The following HECTD2 variants were observed in gnomAD, a reference collection of about 807,000 sequenced individuals.
The protein encoded by HECTD2 is HECT domain E3 ubiquitin protein ligase 2.
A neutral mutation model predicts 103.2 loss-of-function variants in HECTD2; 35 were observed. The observed-to-expected ratio is 0.34, with a 90% CI of 0.26 to 0.45. The LOEUF (loss-of-function observed/expected upper bound fraction) is 0.45, where lower values mean the gene tolerates loss of function less well. Ranked by LOEUF, HECTD2 falls within the 20% of genes least tolerant of loss-of-function variation. The pLI is 1.00. For missense variants in HECTD2, 596 were observed against 937.4 expected (o/e 0.64, Z 4.76); for synonymous variants, 281 against 329.9 (o/e 0.85, Z 1.61).
Position 91,510,390 on chromosome 10 carries a change from C to T in HECTD2, c.2211-1874C>T, listed in dbSNP as rs1434193693. ...CTTAAAAGATATACATAATTTGGTCCTGCACCTCATCAAATACATGTTATT... is the reference window on the plus strand; with the variant it reads ...CTTAAAAGATATACATAATTTGGTCTTGCACCTCATCAAATACATGTTATT... On this transcript the variant is annotated intron_variant, in intron 20 of 20. Transcript: ENST00000298068. 2.0e-5 allele frequency among the ~76,000 whole-genome samples: 3 copies of T among 152,160 alleles called. No homozygotes were observed. In the East Asian group the frequency reaches 5.8e-4, roughly 29 times the overall value.
At chr10:91,496,656 A>C (rs1007589049) in intron 15 of HECTD2, among the ~76,000 whole-genome samples, 2 of 152,106 alleles carry the variant, frequency 1.3e-5, no homozygotes, top group African/African-American at 4.8e-5. Context: ...CCTTCAATTT[A>C]GTTTCTTTAT....
chr10:91,507,821 C>T (rs1847252769), intron 20 of HECTD2, among the ~76,000 whole-genome samples: 1 of 120,954 alleles, frequency 8.3e-6, no homozygotes, highest in South Asian at 2.7e-4. Flanking sequence ...CAAGTCAATC[C>T]TAAGCCAAAA....
intron 20 of HECTD2, among the ~76,000 whole-genome samples, chr10:91,506,974 G>A (rs1466274867): frequency 2.8e-4 from 43 of 151,362 alleles, no homozygotes; most frequent in South Asian, 8.3e-4. Context: ...TTCAATATAC[G>A]CAAATCAATA....
chr10:91,500,365 G>A (rs1245528298), intron 18 of HECTD2, 137 bp from the exon 19 acceptor site: 3 of 515,396 alleles, frequency 5.8e-6, no homozygotes, highest in South Asian at 3.5e-5. Flanking sequence ...ACCCAGAGTC[G>A]ATTTTTCTTC....
At chr10:91,451,137 A>G (rs928766331) in intron 2 of HECTD2, among the ~76,000 whole-genome samples, 1 of 152,226 alleles carries the variant, frequency 6.6e-6, no homozygotes, top group Non-Finnish European at 1.5e-5. Flanking sequence ...CCCGTCAATG[A>G]TAGACTGGAT....
At chr10:91,483,317 C>G (rs1309957102) in intron 8 of HECTD2, among the ~76,000 whole-genome samples, 1 of 151,950 alleles carries the variant, frequency 6.6e-6, no homozygotes, top group Non-Finnish European at 1.5e-5. Flanking sequence ...TTTCTGTCTA[C>G]TGCCTTCACT....
At chr10:91,470,157 T>C (rs989490508) in intron 5 of HECTD2, among the ~76,000 whole-genome samples, 5 of 152,126 alleles carry the variant, frequency 3.3e-5, no homozygotes, top group Admixed American at 2.6e-4. Flanking sequence ...TATTAGATGA[T>C]TGAGGAAGAA....
chr10:91,432,525 G>T (rs113460100), intron 2 of HECTD2, among the ~76,000 whole-genome samples: 129 of 151,988 alleles, frequency 8.5e-4, no homozygotes, highest in African/African-American at 3.0e-3. Flanking sequence ...AATGATAGAG[G>T]AGAGGAGGTT....
intron 2 of HECTD2, 99 bp from the exon 3 acceptor site, chr10:91,460,328 A>T (rs1845291342): frequency 9.4e-7 from 1 of 1,064,024 alleles, no homozygotes; most frequent in Non-Finnish European, 1.3e-6. Flanking sequence ...AATACAAAAT[A>T]ATTCATTTGT....
At chr10:91,452,580 G>A (rs1366978792) in intron 2 of HECTD2, among the ~76,000 whole-genome samples, 1 of 151,986 alleles carries the variant, frequency 6.6e-6, no homozygotes, top group Admixed American at 6.6e-5. Flanking sequence ...GGTTATCATG[G>A]GAATAGGACT....
At chr10:91,497,667 G>A (rs536658129) in intron 15 of HECTD2, among the ~76,000 whole-genome samples, 1 of 152,108 alleles carries the variant, frequency 6.6e-6, no homozygotes, top group Admixed American at 6.5e-5. Context: ...AGGGCACTGT[G>A]CATGTATGAA....
intron 7 of HECTD2, 129 bp from the exon 8 acceptor site, chr10:91,482,838 A>G (rs1846142832): frequency 2.0e-6 from 1 of 488,566 alleles, no homozygotes. Flanking sequence ...TTAAATAACA[A>G]ATAGGTTATT....
chr10:91,488,331 G>A (rs143930446), intron 11 of HECTD2: 2 of 152,942 alleles, frequency 1.3e-5, no homozygotes, highest in Non-Finnish European at 2.9e-5. Flanking sequence ...AGCAGACTGA[G>A]TTTAGGCAAA....
intron 1 of HECTD2, among the ~76,000 whole-genome samples, chr10:91,423,579 G>C (rs1221189882): frequency 3.3e-5 from 5 of 152,108 alleles, no homozygotes; most frequent in African/African-American, 9.7e-5. Context: ...TTCCCATGTA[G>C]TGTCCATTAC....
chr10:91,479,350 ATCAATAG>A (rs1484953649), intron 6 of HECTD2, among the ~76,000 whole-genome samples: 2 of 152,222 alleles, frequency 1.3e-5, no homozygotes, highest in Non-Finnish European at 2.9e-5. Context: ...AAATTTCAGA[ATCAATAG>A]AGTGAGACTG....
chr10:91,483,869 G>C lies in HECTD2; in HGVS notation c.822-638G>C, dbSNP rs11186581. ...ATTATCATTGAACTCACGGCTAGCAGCACTGTAACTCATGCCTGAATGAAG... is the reference window on the plus strand; with the variant it reads ...ATTATCATTGAACTCACGGCTAGCACCACTGTAACTCATGCCTGAATGAAG... On this transcript the variant is annotated intron_variant, in intron 8 of 20. Transcript: ENST00000298068. Among the ~76,000 whole-genome samples the C allele has an allele frequency of 1.9e-3, 282 of 152,010 alleles. 5 individuals are homozygous for C. The East Asian group carries it at 0.038, about 20-fold the overall frequency.
chr10:91,420,989 A>G (rs1843335350), intron 1 of HECTD2, among the ~76,000 whole-genome samples: 1 of 152,204 alleles, frequency 6.6e-6, no homozygotes, highest in Admixed American at 6.5e-5. Context: ...GATGGCAGCC[A>G]TGGTAATGTG....
chr10:91,498,286 A>G lies in HECTD2; in HGVS notation c.1755+104A>G. On this transcript the variant is annotated intron_variant, in intron 16 of 20. Coordinates refer to ENST00000298068, the MANE Select transcript of HECTD2 (RefSeq NM_182765.6). ...TGTTAGAAAAGATGAACAAGGATTA[A>G]CCAATACATACAATCCTCTGTCTTA... 4.0e-6 allele frequency: 3 copies of G among 758,340 alleles called. No homozygotes were observed. The Admixed American group carries it at 6.1e-5, about 15-fold the overall frequency. The allele number at this position is 758,340 out of a possible 1,614,324, so 47.0% of individuals were successfully genotyped here. A position where few individuals can be genotyped will look rare whatever the true frequency, so the allele number is the denominator to read the frequency against.
At chr10:91,432,813 T>A (rs1240965731) in intron 2 of HECTD2, among the ~76,000 whole-genome samples, 1 of 151,900 alleles carries the variant, frequency 6.6e-6, no homozygotes, top group East Asian at 1.9e-4. Flanking sequence ...ATTCTGTAGT[T>A]TTTACACCCC....
Sources: gnomAD v4.1 joint callset for allele counts (sites outside exome capture counted in the v4.1 genomes callset) on GRCh38, gnomAD v4.1.1 for gene constraint, MANE v1.5 for transcripts, NCBI Gene and HGNC (gene_info 2026-07-23, HGNC 2026-07-21) for gene names.